Variants in ALAD observed in about 807,000 individuals in gnomAD.
The protein encoded by ALAD is aminolevulinate dehydratase.
A neutral mutation model predicts 44.4 loss-of-function variants in ALAD; 20 were observed. The observed-to-expected ratio is 0.45, with a 90% CI of 0.32 to 0.65. The LOEUF (loss-of-function observed/expected upper bound fraction) is 0.65, where lower values mean the gene tolerates loss of function less well. ALAD is among the 30% of genes least tolerant of loss of function. The pLI, the probability that ALAD is intolerant of heterozygous loss-of-function variation, is 0.05. For missense variants in ALAD, 323 were observed against 445.7 expected (o/e 0.72, Z 2.48); for synonymous variants, 156 against 167.9 (o/e 0.93, Z 0.55).
chr9:113,390,266 C>A, intron 7 of ALAD, 139 bp downstream of exon 7: 1 of 873,086 alleles, frequency 1.1e-6, no homozygotes, highest in South Asian at 1.4e-5. Context: ...AAGTGATCTA[C>A]CTGCCTCAGC....
chr9:113,387,919 C>A lies in ALAD; in HGVS notation c.*381G>T. ...CAGAAGCGTTCCAAGGCTTCTCAGGCCCCAAGATCCCACTGCTCTCTTCTT... is the reference window on the plus strand; with the variant it reads ...CAGAAGCGTTCCAAGGCTTCTCAGGACCCAAGATCCCACTGCTCTCTTCTT... On this transcript the variant is annotated 3_prime_UTR_variant, in exon 12 of 12. Transcript: ENST00000409155. 6.2e-6 allele frequency: 2 copies of A among 321,714 alleles called. No homozygotes were observed. Among genetic ancestry groups the A allele is most frequent in the South Asian group, 5.7e-5 (2 of 34,978 alleles). 19.9% of individuals were successfully genotyped at this position (321,714 alleles called of 1,614,324 possible).
rs1271903404 is a variant in ALAD at position 113,390,927 on chromosome 9, G to A, written c.268C>T (p.Arg90Trp). The A allele has an allele frequency of 2.4e-5, 39 of 1,613,914 alleles. No individual in the cohort carries two copies. Among genetic ancestry groups the A allele is most frequent in the Middle Eastern group, 1.6e-4 (1 of 6,064 alleles). Residue 90 changes from arginine (R) to tryptophan (W), a missense_variant, in exon 5 of 12, where the codon CGG (arginine) becomes TGG (tryptophan). Physicochemically the swap from Arg to Trp is moderately radical, Grantham distance 101. Transcript: ENST00000409155. ...GVPSRVPKDE[R>W]GSAADSEESP... ...TCCTCGGAGTCAGCTGCGGAACCCCGCTCGTCCTAGGGGCAGGGGAGGGAC... is the reference window on the plus strand; with the variant it reads ...TCCTCGGAGTCAGCTGCGGAACCCCACTCGTCCTAGGGGCAGGGGAGGGAC...
At chr9:113,398,205 G>C (rs1217242001) in intron 1 of ALAD, 1 of 152,262 alleles carries the variant, frequency 6.6e-6, no homozygotes, top group Non-Finnish European at 1.5e-5. Flanking sequence ...GTACTTGGTA[G>C]TAGTATCTCA....
At chr9:113,394,083 T>G (rs750489827) in intron 1 of ALAD, among the ~76,000 whole-genome samples, 4 of 151,394 alleles carry the variant, frequency 2.6e-5, no homozygotes, top group Non-Finnish European at 5.9e-5. Flanking sequence ...GGACTGCAGG[T>G]GTGCACCACA....
chr9:113,393,406 A>ACCCCC, intron 2 of ALAD, 41 bp downstream of exon 2: 1 of 1,448,712 alleles, frequency 6.9e-7, no homozygotes, highest in Non-Finnish European at 9.7e-7. Flanking sequence ...CCCCAACCCC[A>ACCCCC]ACCAGCAGAG....
intron 4 of ALAD, 58 bp downstream of exon 4, chr9:113,391,469 G>T: frequency 6.6e-7 from 1 of 1,516,642 alleles, no homozygotes; most frequent in Non-Finnish European, 9.2e-7. Context: ...CTCCCAAAGT[G>T]CTGGGATTAC....
In ALAD at chr9:113,389,511, C is replaced by G; in HGVS notation, c.728G>C (p.Arg243Pro). 6.2e-7 allele frequency: 1 copy of G among 1,614,126 alleles called. No individual in the cohort carries two copies. Among genetic ancestry groups the G allele is most frequent in the Non-Finnish European group, 8.5e-7 (1 of 1,180,046 alleles). Residue 243 changes from arginine (R) to proline (P), a missense_variant, in exon 10 of 12, where the codon CGG (arginine) becomes CCG (proline). Physicochemically the swap from Arg to Pro is moderately radical, Grantham distance 103 (BLOSUM62 -2). Transcript: ENST00000409155. The stretch of plus-strand genomic sequence containing the variant: ...CACCATGAGCATGTCAGCTCCTTCC[C>G]GTACATCCCGGTCCTAAGGGATGAG... ...LALRAVDRDV[R>P]EGADMLMVKP...
intron 10 of ALAD, 107 bp from the exon 11 acceptor site, chr9:113,389,213 T>C: frequency 1.3e-6 from 2 of 1,529,946 alleles, no homozygotes; most frequent in East Asian, 2.4e-5. Flanking sequence ...CCCCGTGTCC[T>C]GGGTTACTGC....
In ALAD at chr9:113,388,293, G is replaced by A. The variant is rs1827462711; in HGVS notation, c.*7C>T. 6.2e-7 allele frequency: 1 copy of A among 1,613,964 alleles called. No homozygotes were observed. The highest frequency in any genetic ancestry group is 1.1e-5 in the South Asian group (1 of 91,086). On this transcript the variant is annotated 3_prime_UTR_variant, in exon 12 of 12. Coordinates refer to ENST00000409155, the MANE Select transcript of ALAD (RefSeq NM_000031.6). ...AGTTCTAGTTCTTGGGCCTGGCACT[G>A]TCTCCATCATTCCTCCTTCAGCCAC...
chr9:113,389,927 T>G, intron 7 of ALAD, 99 bp from the exon 8 acceptor site: 1 of 1,434,122 alleles, frequency 7.0e-7, no homozygotes, highest in Non-Finnish European at 9.7e-7. Flanking sequence ...GGAAGGAGAC[T>G]GCCTGTGTTC....
intron 11 of ALAD, among the ~76,000 whole-genome samples, 179 bp downstream of exon 11, chr9:113,388,798 T>C (rs1335055295): frequency 5.3e-5 from 8 of 152,192 alleles, no homozygotes; most frequent in Non-Finnish European, 1.2e-4. Flanking sequence ...CTCTGCTTGC[T>C]TCACCGGGCC....
intron 1 of ALAD, among the ~76,000 whole-genome samples, chr9:113,394,901 A>T (rs1453231308): frequency 6.6e-6 from 1 of 152,068 alleles, no homozygotes; most frequent in Non-Finnish European, 1.5e-5. Flanking sequence ...AAAATACAAA[A>T]AAAATTAGCT....
chr9:113,389,840 C>A lies in ALAD; in HGVS notation c.571-12G>T. ...CTCATCACCGATACCTATGGGGAGACAATGGAGGTCTTGGCTTATTCGGCC... is the reference window on the plus strand; with the variant it reads ...CTCATCACCGATACCTATGGGGAGAAAATGGAGGTCTTGGCTTATTCGGCC... On this transcript the variant is annotated splice_polypyrimidine_tract_variant and intron_variant, in intron 7 of 11. Coordinates refer to ENST00000409155, the MANE Select transcript of ALAD (RefSeq NM_000031.6). 1 of 1,614,238 alleles carries A rather than the reference C, an allele frequency of 6.2e-7. No homozygotes were observed. The highest frequency in any genetic ancestry group is 8.5e-7 in the Non-Finnish European group (1 of 1,180,042).
rs1827440923 is a variant in ALAD, at chr9:113,387,814, T to G, written c.*486A>C. ...AACCTCTGGCCTCGTGGGAAATGCC[T>G]TCCAGTGGAATTGCGGCAAATTTCA... On this transcript the variant is annotated 3_prime_UTR_variant, in exon 12 of 12. Transcript: ENST00000409155. The G allele has an allele frequency of 4.7e-6, 1 of 213,998 alleles. No individual in the cohort carries two copies. The highest frequency in any genetic ancestry group is 9.6e-6 in the Non-Finnish European group (1 of 103,826). 13.3% of individuals were successfully genotyped at this position (213,998 alleles called of 1,614,324 possible).
At position 113,386,617 on chromosome 9, in the gene ALAD, T is replaced by C. The variant is rs1016523285; in HGVS notation, c.*1683A>G. 4 of 152,172 alleles carry C rather than the reference T, an allele frequency of 2.6e-5. No individual in the cohort carries two copies. The highest frequency in any genetic ancestry group is 6.5e-5 in the Admixed American group (1 of 15,274). 9.4% of individuals were successfully genotyped at this position (152,172 alleles called of 1,614,324 possible). On this transcript the variant is annotated 3_prime_UTR_variant, in exon 12 of 12. Transcript: ENST00000409155. ...GACCTATAATTTTGCTGTTGATTATTGGGAGGTGGTATGGCACAGTGGTTA... is the reference window on the plus strand; with the variant it reads ...GACCTATAATTTTGCTGTTGATTATCGGGAGGTGGTATGGCACAGTGGTTA...
At position 113,386,422 on chromosome 9, in the gene ALAD, T is replaced by C. The variant is rs1284111459; in HGVS notation, c.*1878A>G. ...TAGGCTAATGTAAGTGTTCTGAGCA[T>C]GTTTAAGGCAGGCTAGGCTAAGCTA... is the stretch of plus-strand genomic sequence containing the variant. On this transcript the variant is annotated 3_prime_UTR_variant, in exon 12 of 12. Coordinates refer to ENST00000409155, the MANE Select transcript of ALAD (RefSeq NM_000031.6). 4 of 152,214 alleles carry C rather than the reference T, an allele frequency of 2.6e-5. No individual in the cohort carries two copies. Among genetic ancestry groups the C allele is most frequent in the African/African-American group, 9.6e-5 (4 of 41,452 alleles). The allele number at this position is 152,214 out of a possible 1,614,324, so 9.4% of individuals were successfully genotyped here. A position where few individuals can be genotyped will look rare whatever the true frequency, so the allele number is the denominator to read the frequency against.
intron 1 of ALAD, among the ~76,000 whole-genome samples, chr9:113,399,010 C>T (rs1232235478): frequency 6.6e-6 from 1 of 152,226 alleles, no homozygotes; most frequent in Non-Finnish European, 1.5e-5. Context: ...CATTACCACA[C>T]TGAAGACAGG....
intron 1 of ALAD, among the ~76,000 whole-genome samples, chr9:113,400,526 G>T: frequency 6.6e-6 from 1 of 152,172 alleles, no homozygotes; most frequent in East Asian, 1.9e-4. Context: ...GTTGTTGTAA[G>T]AAATGAATGG....
intron 2 of ALAD, among the ~76,000 whole-genome samples, chr9:113,392,951 G>T (rs1376571544): frequency 1.3e-5 from 2 of 151,446 alleles, no homozygotes; most frequent in Admixed American, 1.3e-4. Context: ...CCAAGTAGCT[G>T]GGACTACAGG....
Sources: allele counts gnomAD v4.1 joint callset (sites outside exome capture counted in the v4.1 genomes callset), GRCh38; gene constraint gnomAD v4.1.1; transcripts MANE v1.5; gene names NCBI Gene and HGNC (gene_info 2026-07-23, HGNC 2026-07-21).